Variants in PARP11 observed in about 807,000 individuals in gnomAD.
PARP11 encodes protein mono-ADP-ribosyltransferase PARP11.
A neutral mutation model predicts 42.9 loss-of-function variants in PARP11; 31 were observed. The observed-to-expected ratio is 0.72, with a 90% CI of 0.54 to 0.98. The LOEUF is 0.98. Among genes scored for constraint, PARP11 ranks in the 50% least tolerant of loss-of-function variants. The pLI, the probability that PARP11 is intolerant of heterozygous loss-of-function variation, is 0.00. For missense variants in PARP11, 365 were observed against 413.1 expected (o/e 0.88, Z 1.01); for synonymous variants, 137 against 127.3 (o/e 1.08, Z -0.51).
At chr12:3,848,984 CAATTTAAA>C (rs1382499928) in intron 1 of PARP11, among the ~76,000 whole-genome samples, 6 of 151,188 alleles carry the variant, frequency 4.0e-5, no homozygotes, top group Non-Finnish European at 8.9e-5. Flanking sequence ...ACAAATAATC[CAATTTAAA>C]AATGGGCAAA....
At chr12:3,841,287 T>C in intron 1 of PARP11, 1 of 1,298,320 alleles carries the variant, frequency 7.7e-7, no homozygotes, top group Non-Finnish European at 1.1e-6. Context: ...TCTTCAATCT[T>C]GGTGTGAAGG....
intron 1 of PARP11, among the ~76,000 whole-genome samples, chr12:3,843,795 A>G (rs576836028): frequency 2.0e-5 from 3 of 152,296 alleles, no homozygotes; most frequent in East Asian, 1.9e-4. Flanking sequence ...ACTGTAGCTT[A>G]TATTCCTTAT....
chr12:3,840,592 C>T lies in PARP11; in HGVS notation c.19-10574G>A. The T allele has an allele frequency of 1.4e-6, 2 of 1,421,466 alleles. No homozygotes were observed. The highest frequency in any genetic ancestry group is 2.3e-5 in the South Asian group (2 of 87,130). 88.1% of individuals were successfully genotyped at this position (1,421,466 alleles called of 1,614,324 possible). A position where few individuals can be genotyped will look rare whatever the true frequency, so the allele number is the denominator to read the frequency against. On this transcript the variant is annotated intron_variant, in intron 1 of 7. Transcript: ENST00000228820. The surrounding 1 kb of genome is among the most constrained non-coding windows in gnomAD (Gnocchi z 4.4). ...TCGTGAAAGAGTTGAGGATTCTGAT[C>T]ACACAAGTCGAGAATCTAACTATTG...
intron 4 of PARP11, 107 bp downstream of exon 4, chr12:3,826,051 C>A: frequency 3.0e-6 from 2 of 668,806 alleles, no homozygotes; most frequent in Non-Finnish European, 5.0e-6. Context: ...TTTAAAAGAT[C>A]AATATTATTA....
Position 3,873,398 on chromosome 12 carries a change from C to T in PARP11, c.-169G>A. On this transcript the variant is annotated 5_prime_UTR_variant, in exon 1 of 8. Transcript: ENST00000228820. ...CCTGTCACAAGCCAGCGTTTACAGA[C>T]CACCCAACCTCCCGACTTCCGCCCG... The T allele has an allele frequency of 1.5e-6, 1 of 656,308 alleles. No homozygotes were observed. Among genetic ancestry groups the T allele is most frequent in the Non-Finnish European group, 2.7e-6 (1 of 365,910 alleles). 40.7% of individuals were successfully genotyped at this position (656,308 alleles called of 1,614,324 possible).
At chr12:3,846,952 C>T (rs1197746257) in intron 1 of PARP11, among the ~76,000 whole-genome samples, 2 of 151,838 alleles carry the variant, frequency 1.3e-5, no homozygotes, top group Non-Finnish European at 2.9e-5. Context: ...GGGCACGTGC[C>T]TGTGGTCCCA....
intron 1 of PARP11, among the ~76,000 whole-genome samples, chr12:3,854,671 G>C (rs536161534): frequency 6.6e-6 from 1 of 152,098 alleles, no homozygotes; most frequent in East Asian, 1.9e-4. Flanking sequence ...AAAAGTCCAG[G>C]ACCAGACAGT....
intron 6 of PARP11, among the ~76,000 whole-genome samples, chr12:3,818,047 C>T (rs1303797417): frequency 1.3e-5 from 2 of 152,184 alleles, no homozygotes; most frequent in African/African-American, 4.8e-5. Context: ...TCAATCCAAC[C>T]ATTTCCACTA....
chr12:3,856,104 C>T (rs529876249), intron 1 of PARP11, among the ~76,000 whole-genome samples: 59 of 152,238 alleles, frequency 3.9e-4, no homozygotes, highest in Admixed American at 3.5e-3. Flanking sequence ...TTCCTTACAC[C>T]TTATATAAAA....
chr12:3,826,126 C>A (rs77828123), intron 4 of PARP11, 32 bp downstream of exon 4: 2 of 1,353,648 alleles, frequency 1.5e-6, no homozygotes, highest in Non-Finnish European at 2.0e-6. Flanking sequence ...AAAAAAAACC[C>A]ACTCTTTCCA....
intron 2 of PARP11, 41 bp downstream of exon 2, chr12:3,829,849 G>A (rs762776964): frequency 3.1e-6 from 5 of 1,604,462 alleles, no homozygotes; most frequent in Admixed American, 3.4e-5. Context: ...GATGCTAAGT[G>A]AATCGAAAAC....
chr12:3,868,779 C>T (rs1393890478), intron 1 of PARP11, among the ~76,000 whole-genome samples: 1 of 152,208 alleles, frequency 6.6e-6, no homozygotes, highest in African/African-American at 2.4e-5. Flanking sequence ...CCCTGGACTA[C>T]ACTATAACCT....
At position 3,809,715 on chromosome 12, in the gene PARP11, G is replaced by C. The variant is rs1186494762; in HGVS notation, c.*2408C>G. On this transcript the variant is annotated 3_prime_UTR_variant, in exon 8 of 8. Coordinates refer to ENST00000228820, the MANE Select transcript of PARP11 (RefSeq NM_020367.6). Reference sequence around the variant, plus strand: ...TAAATTACAAATAAATCGAAAAAAAGATTTTCAAAACCTGAATTCCTAATG... The same window carrying C: ...TAAATTACAAATAAATCGAAAAAAACATTTTCAAAACCTGAATTCCTAATG... 1 of 152,166 alleles carries C rather than the reference G, an allele frequency of 6.6e-6. No individual in the cohort carries two copies. Among genetic ancestry groups the C allele is most frequent in the Non-Finnish European group, 1.5e-5 (1 of 68,020 alleles). The allele number at this position is 152,166 out of a possible 1,614,324, so 9.4% of individuals were successfully genotyped here.
rs1268625728 is a variant in PARP11 at position 3,842,528 on chromosome 12, C to T, written c.19-12510G>A. The T allele has an allele frequency of 1.6e-5, 25 of 1,542,138 alleles. No homozygotes were observed. In the East Asian group the frequency reaches 1.8e-4, roughly 11 times the overall value. On this transcript the variant is annotated intron_variant, in intron 1 of 7. Coordinates refer to ENST00000228820, the MANE Select transcript of PARP11 (RefSeq NM_020367.6). Reference sequence around the variant, plus strand: ...GGACAGCACGCTTGACGGTTGTTGCCGAAGTATTTTCTAACAGAAACTCTT... The same window carrying T: ...GGACAGCACGCTTGACGGTTGTTGCTGAAGTATTTTCTAACAGAAACTCTT...
At chr12:3,860,160 G>A (rs926341920) in intron 1 of PARP11, among the ~76,000 whole-genome samples, 1 of 152,190 alleles carries the variant, frequency 6.6e-6, no homozygotes, top group Admixed American at 6.5e-5. Context: ...GTGGTCAAAT[G>A]ATCATTTGAT....
At chr12:3,849,630 G>C in intron 1 of PARP11, among the ~76,000 whole-genome samples, 1 of 152,128 alleles carries the variant, frequency 6.6e-6, no homozygotes, top group East Asian at 1.9e-4. Context: ...AAAGTAGATT[G>C]GTGGTTACCA....
At chr12:3,855,127 A>G (rs1338642204) in intron 1 of PARP11, among the ~76,000 whole-genome samples, 1 of 152,186 alleles carries the variant, frequency 6.6e-6, no homozygotes, top group Non-Finnish European at 1.5e-5. Context: ...TTGATGGAAC[A>G]TAACTCAAAA....
chr12:3,830,632 T>C (rs189435393), intron 1 of PARP11, among the ~76,000 whole-genome samples: 31 of 152,298 alleles, frequency 2.0e-4, no homozygotes, highest in Admixed American at 1.2e-3. Context: ...TTTCTAAGTG[T>C]CAGGATACAA....
chr12:3,842,235 G>T (rs1319904330), intron 1 of PARP11: 20 of 1,605,342 alleles, frequency 1.2e-5, no homozygotes, highest in Non-Finnish European at 1.6e-5. Flanking sequence ...AAGACCAAAA[G>T]AAGAGAGTTC....
Sources: gnomAD v4.1 joint callset for allele counts (sites outside exome capture counted in the v4.1 genomes callset) on GRCh38, gnomAD v4.1.1 for gene constraint, Gnocchi (gnomAD v3.1) non-coding constraint, MANE v1.5 for transcripts, NCBI Gene and HGNC (gene_info 2026-07-23, HGNC 2026-07-21) for gene names.